Variants in WWC1 observed in about 807,000 individuals in gnomAD.
WWC1 encodes protein KIBRA.
In WWC1, 55 loss-of-function variants were observed where a neutral mutation model predicts 138.4. That is an observed-to-expected ratio of 0.40 (90% CI 0.32 to 0.50). The LOEUF (loss-of-function observed/expected upper bound fraction) is 0.50, where lower values mean the gene tolerates loss of function less well. Ranked by LOEUF, WWC1 falls within the 20% of genes least tolerant of loss-of-function variation. The pLI, the probability that WWC1 is intolerant of heterozygous loss-of-function variation, is 0.72. For synonymous variants in WWC1, 524 were observed against 564.9 expected (o/e 0.93, Z 1.03); for missense variants, 1,226 against 1,420.4 (o/e 0.86, Z 2.20).
chr5:168,366,746 T>C (rs1219881588), intron 1 of WWC1, among the ~76,000 whole-genome samples: 1 of 150,918 alleles, frequency 6.6e-6, no homozygotes, highest in East Asian at 2.0e-4. Flanking sequence ...TAACCCCATC[T>C]CCATCCTCAC....
intron 9 of WWC1, among the ~76,000 whole-genome samples, chr5:168,416,979 T>A (rs950376044): frequency 1.3e-5 from 2 of 152,184 alleles, no homozygotes; most frequent in African/African-American, 4.8e-5. Flanking sequence ...GCAATTCTCC[T>A]GACTTAGCCT....
chr5:168,414,290 C>T (rs1780428405), intron 8 of WWC1, 58 bp from the exon 9 acceptor site: 1 of 1,586,280 alleles, frequency 6.3e-7, no homozygotes, highest in South Asian at 1.2e-5. Context: ...TTCATGGCAT[C>T]TCCTGTTCCC....
chr5:168,371,126 C>T (rs1776721235), intron 1 of WWC1, among the ~76,000 whole-genome samples: 1 of 152,176 alleles, frequency 6.6e-6, no homozygotes, highest in South Asian at 2.1e-4. Context: ...ATCAGAGTTG[C>T]AGAAACAGAG....
chr5:168,299,197 C>G (rs1000728959), intron 1 of WWC1, among the ~76,000 whole-genome samples: 3 of 152,242 alleles, frequency 2.0e-5, no homozygotes, highest in African/African-American at 7.2e-5. Flanking sequence ...GTAGCCTGGT[C>G]TGGCTCTGTC....
chr5:168,308,897 G>A (rs1181383874), intron 1 of WWC1, among the ~76,000 whole-genome samples: 1 of 152,080 alleles, frequency 6.6e-6, no homozygotes, highest in Non-Finnish European at 1.5e-5. Flanking sequence ...AGTATGCTCA[G>A]GGGCTCCCTC....
intron 1 of WWC1, among the ~76,000 whole-genome samples, chr5:168,351,099 A>G (rs189960169): frequency 6.1e-4 from 93 of 151,686 alleles, no homozygotes; most frequent in Middle Eastern, 3.4e-3. Flanking sequence ...GTGAGCCGAG[A>G]TCACGCCACG....
At chr5:168,449,875 A>G (rs990250972) in intron 17 of WWC1, among the ~76,000 whole-genome samples, 3 of 152,206 alleles carry the variant, frequency 2.0e-5, no homozygotes, top group Non-Finnish European at 2.9e-5. Context: ...GCACCCGCCA[A>G]CAGCTCTTTT....
intron 9 of WWC1, chr5:168,415,341 C>T (rs1023180859): frequency 1.3e-5 from 2 of 151,556 alleles, no homozygotes; most frequent in Non-Finnish European, 1.5e-5. Flanking sequence ...GGGAACTAAT[C>T]CAGAAGTTTT....
intron 21 of WWC1, among the ~76,000 whole-genome samples, chr5:168,466,565 T>C (rs577087843): frequency 1.3e-5 from 2 of 152,322 alleles, no homozygotes; most frequent in South Asian, 2.1e-4. Context: ...TGGACTGATA[T>C]GGGAGCTTCA....
chr5:168,411,872 T>C, intron 8 of WWC1: 1 of 628,238 alleles, frequency 1.6e-6, no homozygotes. Flanking sequence ...AAGTCAGCTG[T>C]ATGGGAACCA....
Position 168,464,725 on chromosome 5 carries a change from A to T in WWC1, c.2917-4A>T. ...AACAAGAGAAGCCGTCCCCACCCCC[A>T]CAGCCTTCCTCGGTCAAGTCGCTGC... On this transcript the variant is annotated splice_region_variant and splice_polypyrimidine_tract_variant and intron_variant, in intron 20 of 22. Coordinates refer to ENST00000265293, the MANE Select transcript of WWC1 (RefSeq NM_015238.3). 2.5e-6 allele frequency: 4 copies of T among 1,614,122 alleles called. No individual in the cohort carries two copies. The highest frequency in any genetic ancestry group is 3.4e-6 in the Non-Finnish European group (4 of 1,180,008).
chr5:168,350,884 G>A (rs527529239), intron 1 of WWC1, among the ~76,000 whole-genome samples: 88 of 152,252 alleles, frequency 5.8e-4, no homozygotes, highest in Middle Eastern at 3.4e-3. Context: ...GGTGGCTCAC[G>A]CCTGTAATCC....
At chr5:168,463,148 T>A (rs572641782) in intron 20 of WWC1, among the ~76,000 whole-genome samples, 1 of 152,366 alleles carries the variant, frequency 6.6e-6, no homozygotes, top group East Asian at 1.9e-4. Flanking sequence ...CTTAGCAGCC[T>A]AAAGTAATAC....
intron 10 of WWC1, 69 bp from the exon 11 acceptor site, chr5:168,423,464 C>T (rs1184847620): frequency 6.0e-6 from 9 of 1,509,168 alleles, no homozygotes; most frequent in African/African-American, 1.4e-5. Flanking sequence ...TTCCAGAGCT[C>T]AGCAGAAGGT....
chr5:168,395,650 T>C (rs1374348367), intron 3 of WWC1, among the ~76,000 whole-genome samples: 2 of 152,180 alleles, frequency 1.3e-5, no homozygotes, highest in Non-Finnish European at 1.5e-5. Flanking sequence ...ATGAAAACTT[T>C]AAATTGGCAA....
At chr5:168,390,841 A>G (rs757668372) in intron 3 of WWC1, among the ~76,000 whole-genome samples, 13 of 152,334 alleles carry the variant, frequency 8.5e-5, no homozygotes, top group Non-Finnish European at 1.9e-4. Context: ...CTAACATTTA[A>G]TATGCACCTG....
chr5:168,390,325 A>C (rs1235592340), intron 3 of WWC1, among the ~76,000 whole-genome samples: 1 of 152,206 alleles, frequency 6.6e-6, no homozygotes, highest in Non-Finnish European at 1.5e-5. Context: ...TTTTTTACAG[A>C]TCTCTGGAAC....
chr5:168,294,353 C>T (rs1171817321), intron 1 of WWC1, among the ~76,000 whole-genome samples: 1 of 151,824 alleles, frequency 6.6e-6, no homozygotes, highest in African/African-American at 2.4e-5. Flanking sequence ...ATATGTGTAC[C>T]ATTTTCACAA....
chr5:168,463,387 C>T, intron 20 of WWC1, among the ~76,000 whole-genome samples: 1 of 152,312 alleles, frequency 6.6e-6, no homozygotes, highest in Middle Eastern at 3.4e-3. Flanking sequence ...GGAGCACTTT[C>T]AGCTCCTAGA....
Sources: gnomAD v4.1 joint callset for allele counts (sites outside exome capture counted in the v4.1 genomes callset) on GRCh38, gnomAD v4.1.1 for gene constraint, MANE v1.5 for transcripts, NCBI Gene and HGNC (gene_info 2026-07-23, HGNC 2026-07-21) for gene names.